SMC4: variants seen among roughly 807,000 people sequenced by gnomAD.
SMC4 encodes structural maintenance of chromosomes 4.
In SMC4, 87 loss-of-function variants were observed where a neutral mutation model predicts 145.6. The observed-to-expected ratio is 0.60, with a 90% confidence interval of 0.50 to 0.71. The LOEUF is 0.71. SMC4 is among the 30% of genes least tolerant of loss of function. The pLI is 0.00. For synonymous variants in SMC4, 558 were observed against 500.7 expected (o/e 1.11, Z -1.53); for missense variants, 1,447 against 1,537.1 (o/e 0.94, Z 0.98).
intron 5 of SMC4, among the ~76,000 whole-genome samples, chr3:160,407,387 T>A (rs1715449561): frequency 6.6e-6 from 1 of 152,232 alleles, no homozygotes; most frequent in Admixed American, 6.5e-5. Context: ...ACTATGTCTC[T>A]ATAGAAAATA....
intron 16 of SMC4, 54 bp from the exon 17 acceptor site, chr3:160,426,020 A>G (rs1357352813): frequency 1.4e-5 from 19 of 1,387,256 alleles, no homozygotes; most frequent in East Asian, 4.8e-5. Flanking sequence ...AAAATTCACA[A>G]TGTTTAAAGC....
Position 160,417,942 on chromosome 3 carries a change from C to G in SMC4, c.1657C>G (p.Gln553Glu), listed in dbSNP as rs1361025606. 1.9e-6 allele frequency: 3 copies of G among 1,610,878 alleles called. No homozygotes were observed. The highest frequency in any genetic ancestry group is 1.7e-6 in the Non-Finnish European group (2 of 1,178,270). ...AGAAGGAAAACTCCCTCAAACTGAA[C>G]AAGAATTAAAGGAGGTAAATCTTTG... ...DIEGKLPQTE[Q>E]ELKEKEKELQ... Residue 553 changes from glutamine to glutamate, a missense_variant, in exon 11 of 24, where the codon CAA becomes GAA. Gln to Glu is a conservative substitution (Grantham distance 29). Coordinates refer to ENST00000357388, the MANE Select transcript of SMC4 (RefSeq NM_001002800.3).
intron 1 of SMC4, chr3:160,399,970 T>A (rs1309058601): frequency 1.3e-5 from 2 of 152,096 alleles, no homozygotes; most frequent in Non-Finnish European, 2.9e-5. Flanking sequence ...GCTACTCAAA[T>A]GTCTCGGGGA....
intron 7 of SMC4, chr3:160,412,854 G>A: frequency 8.2e-6 from 8 of 976,234 alleles, no homozygotes; most frequent in Non-Finnish European, 9.8e-6. Flanking sequence ...TGGGAGGTAG[G>A]TTCACAGGTA....
At position 160,414,347 on chromosome 3, in the gene SMC4, C is replaced by A. The variant is rs545167463; in HGVS notation, c.1122-20C>A. 16 of 1,570,080 alleles carry A rather than the reference C, an allele frequency of 1.0e-5. No homozygotes were observed. Among genetic ancestry groups the A allele is most frequent in the Admixed American group, 5.0e-5 (3 of 59,648 alleles). The stretch of plus-strand genomic sequence containing the variant: ...TGTGCACATTCAAAATAATGACTTA[C>A]AATATACTTGCTTTGCTAGGAAACT... On this transcript the variant is annotated intron_variant, in intron 8 of 23. Coordinates refer to ENST00000357388, the MANE Select transcript of SMC4 (RefSeq NM_001002800.3).
chr3:160,426,619 T>C (rs1409506087), intron 17 of SMC4, among the ~76,000 whole-genome samples: 1 of 152,090 alleles, frequency 6.6e-6, no homozygotes, highest in African/African-American at 2.4e-5. Flanking sequence ...ATGTATTTTT[T>C]TTCTTTCATA....
chr3:160,416,630 TAGC>T (rs1168247189), intron 10 of SMC4: 1 of 307,792 alleles, frequency 3.2e-6, no homozygotes, highest in African/African-American at 2.2e-5. Flanking sequence ...TTTGTAGTAG[TAGC>T]AGAAGGTGTG....
chr3:160,422,353 AC>A (rs1283507834), intron 13 of SMC4, among the ~76,000 whole-genome samples: 1 of 152,214 alleles, frequency 6.6e-6, no homozygotes, highest in Non-Finnish European at 1.5e-5. Context: ...ATCCTCGTTA[AC>A]ACTTGTTATG....
At chr3:160,400,383 C>T (rs1386926627) in intron 1 of SMC4, 1 of 153,890 alleles carries the variant, frequency 6.5e-6, no homozygotes, top group East Asian at 1.9e-4. Context: ...GCCACGGGAT[C>T]CTGACCCGGA....
rs2108511162 is a variant in SMC4, at chr3:160,434,847, A to ATTGT, written c.*1041_*1044dup. Reference sequence around the variant, plus strand: ...TAATTGTTCCTTTCTTCAGTGGGCCATTGTTTTAGATATTTAAAAAATCCA... The same window carrying ATTGT: ...TAATTGTTCCTTTCTTCAGTGGGCCATTGTTTGTTTTAGATATTTAAAAAATCCA... On this transcript the variant is annotated 3_prime_UTR_variant, in exon 24 of 24. Transcript: ENST00000357388. The ATTGT allele has an allele frequency of 6.6e-6, 1 of 152,302 alleles. No individual in the cohort carries two copies. Among genetic ancestry groups the ATTGT allele is most frequent in the East Asian group, 1.9e-4 (1 of 5,192 alleles). The allele number at this position is 152,302 out of a possible 1,614,324, so 9.4% of individuals were successfully genotyped here. A position where few individuals can be genotyped will look rare whatever the true frequency, so the allele number is the denominator to read the frequency against.
chr3:160,433,125 C>T lies in SMC4; in HGVS notation c.3630C>T (p.Tyr1210=). 4 of 1,613,300 alleles carry T rather than the reference C, an allele frequency of 2.5e-6. No individual in the cohort carries two copies. Among genetic ancestry groups the T allele is most frequent in the Non-Finnish European group, 3.4e-6 (4 of 1,179,308 alleles). The change falls in exon 23 of 24, where the codon TAC becomes TAT. Residue 1210 remains tyrosine, a synonymous_variant. Transcript: ENST00000357388. Reference sequence around the variant, plus strand: ...CTTTAGTATTTGCTCTTCACCACTACAAGCCCACTCCCCTTTACTTCATGG... The same window carrying T: ...CTTTAGTATTTGCTCTTCACCACTATAAGCCCACTCCCCTTTACTTCATGG... The part of the protein sequence containing the change: ...SLALVFALHH[Y]KPTPLYFMDE...
rs550714174 is a variant in SMC4 at position 160,420,930 on chromosome 3, T to C, written c.2019+29T>C. The C allele has an allele frequency of 5.7e-5, 90 of 1,571,412 alleles. 1 individual carries two copies. Among genetic ancestry groups the C allele is most frequent in the African/African-American group, 4.3e-4 (31 of 72,730 alleles). On this transcript the variant is annotated intron_variant, in intron 13 of 23. Coordinates refer to ENST00000357388, the MANE Select transcript of SMC4 (RefSeq NM_001002800.3). ...GGTATTCGTAATAACCTACCTATAA[T>C]TGGAATTTTTTTTTTTTGAGACGTA...
intron 9 of SMC4, among the ~76,000 whole-genome samples, chr3:160,415,277 C>T (rs951397827): frequency 2.0e-5 from 3 of 152,326 alleles, no homozygotes; most frequent in Middle Eastern, 3.4e-3. Context: ...GAGAGTGAGG[C>T]GGCAGGATGC....
intron 18 of SMC4, among the ~76,000 whole-genome samples, chr3:160,429,786 G>A (rs1435142170): frequency 6.8e-6 from 1 of 147,634 alleles, no homozygotes; most frequent in African/African-American, 2.5e-5. Flanking sequence ...GCGCGATCTC[G>A]GCTCACTGCA....
intron 7 of SMC4, among the ~76,000 whole-genome samples, chr3:160,413,043 C>G (rs191513217): frequency 6.1e-4 from 93 of 152,206 alleles, no homozygotes; most frequent in Non-Finnish European, 4.3e-4. Context: ...AGTTGATCCT[C>G]CCACCTCCAC....
At chr3:160,421,034 A>T in intron 13 of SMC4, 133 bp downstream of exon 13, 1 of 608,832 alleles carries the variant, frequency 1.6e-6, no homozygotes, top group Non-Finnish European at 2.6e-6. Flanking sequence ...GGTTCACACC[A>T]TTCTCCTGCC....
intron 17 of SMC4, among the ~76,000 whole-genome samples, chr3:160,427,608 T>C (rs1483853489): frequency 6.6e-6 from 1 of 152,254 alleles, no homozygotes; most frequent in South Asian, 2.1e-4. Context: ...TGTTAGGAGC[T>C]CTATATATCT....
chr3:160,402,193 C>T (rs900978312), intron 3 of SMC4, 100 bp downstream of exon 3: 1 of 648,842 alleles, frequency 1.5e-6, no homozygotes, highest in Non-Finnish European at 2.5e-6. Flanking sequence ...TCCTAAAATT[C>T]ATTCACTCCC....
At chr3:160,406,088 GTAAA>G (rs1456420962) in intron 5 of SMC4, among the ~76,000 whole-genome samples, 1 of 152,032 alleles carries the variant, frequency 6.6e-6, no homozygotes, top group Non-Finnish European at 1.5e-5. Context: ...TCCCAACGAA[GTAAA>G]TAATTTATAA....
Sources: allele counts gnomAD v4.1 joint callset (sites outside exome capture counted in the v4.1 genomes callset), GRCh38; gene constraint gnomAD v4.1.1; transcripts MANE v1.5; gene names NCBI Gene and HGNC (gene_info 2026-07-23, HGNC 2026-07-21).